NCAM1: variants seen among roughly 807,000 people sequenced by gnomAD.
The protein encoded by NCAM1 is antigen recognized by monoclonal antibody 5.1H11.
In NCAM1, 14 loss-of-function variants were observed where a neutral mutation model predicts 109.8. That is an observed-to-expected ratio of 0.13 (90% CI 0.08 to 0.20). The LOEUF is 0.20. Ranked by LOEUF, NCAM1 falls within the 10% of genes least tolerant of loss-of-function variation. NCAM1 has a pLI of 1.00. For missense variants in NCAM1, 774 were observed against 1,109.9 expected (o/e 0.70, Z 4.30); for synonymous variants, 418 against 442.9 (o/e 0.94, Z 0.70).
At chr11:113,008,710 G>A (rs1416856064) in intron 1 of NCAM1, among the ~76,000 whole-genome samples, 3 of 152,150 alleles carry the variant, frequency 2.0e-5, no homozygotes, top group Admixed American at 1.3e-4. Flanking sequence ...CTCATCTCTC[G>A]ATTTCTGTAG....
At chr11:113,095,224 G>T (rs1328689526) in intron 1 of NCAM1, among the ~76,000 whole-genome samples, 2 of 152,148 alleles carry the variant, frequency 1.3e-5, no homozygotes, top group Non-Finnish European at 2.9e-5. Flanking sequence ...AGGGATTTGT[G>T]CTGTGTCTTT....
At chr11:113,092,920 A>G (rs1427020977) in intron 1 of NCAM1, among the ~76,000 whole-genome samples, 1 of 152,234 alleles carries the variant, frequency 6.6e-6, no homozygotes, top group Non-Finnish European at 1.5e-5. Context: ...AAATACTAGC[A>G]TTAAATGCTG....
At chr11:113,209,910 C>T (rs2136970304) in intron 7 of NCAM1, among the ~76,000 whole-genome samples, 1 of 152,274 alleles carries the variant, frequency 6.6e-6, no homozygotes, top group East Asian at 1.9e-4. Context: ...AATTACCCAG[C>T]TGAAGGAGTG....
chr11:113,219,936 G>A (rs553470566), intron 8 of NCAM1, among the ~76,000 whole-genome samples: 72 of 152,190 alleles, frequency 4.7e-4, no homozygotes, highest in African/African-American at 7.9e-4. Context: ...GACATAACTC[G>A]ATATTTCCAT....
intron 1 of NCAM1, among the ~76,000 whole-genome samples, chr11:113,068,341 A>C (rs928904645): frequency 1.3e-5 from 2 of 152,162 alleles, no homozygotes; most frequent in Non-Finnish European, 2.9e-5. Flanking sequence ...GTGATTAAGC[A>C]TCGGTTTCCT....
rs782323298 is a variant in NCAM1 at position 112,961,565 on chromosome 11, C to T, written c.-48C>T. ...TCCACACTCGCTGCAGGGGGGGGGG[C>T]ACAGAATTTACCGCGGCAAGAACAT... is the stretch of plus-strand genomic sequence containing the variant. On this transcript the variant is annotated 5_prime_UTR_variant, in exon 1 of 20. Transcript: ENST00000316851. 4.3e-6 allele frequency: 5 copies of T among 1,159,654 alleles called. No individual in the cohort carries two copies. Among genetic ancestry groups the T allele is most frequent in the East Asian group, 4.7e-5 (2 of 42,374 alleles). 71.8% of individuals were successfully genotyped at this position (1,159,654 alleles called of 1,614,324 possible). A position where few individuals can be genotyped will look rare whatever the true frequency, so the allele number is the denominator to read the frequency against.
intron 1 of NCAM1, among the ~76,000 whole-genome samples, chr11:113,154,816 A>G (rs1264234531): frequency 1.3e-5 from 2 of 152,172 alleles, no homozygotes; most frequent in Non-Finnish European, 2.9e-5. Flanking sequence ...CCTCTTAAGG[A>G]ATGACACAAA....
intron 1 of NCAM1, among the ~76,000 whole-genome samples, chr11:112,982,362 G>T (rs2134691716): frequency 6.6e-6 from 1 of 152,104 alleles, no homozygotes; most frequent in African/African-American, 2.4e-5. Context: ...TTTGGTGGCA[G>T]TGAGTAAACA....
intron 1 of NCAM1, among the ~76,000 whole-genome samples, chr11:113,135,436 C>T (rs1317487734): frequency 5.9e-5 from 9 of 151,988 alleles, no homozygotes; most frequent in African/African-American, 9.7e-5. Flanking sequence ...ATGGGAAGTG[C>T]GATGTGTTGA....
At chr11:113,267,165 A>T (rs1406986285) in intron 17 of NCAM1, among the ~76,000 whole-genome samples, 2 of 152,200 alleles carry the variant, frequency 1.3e-5, no homozygotes, top group African/African-American at 4.8e-5. Flanking sequence ...TGGTTATAAC[A>T]CCTTTAAATA....
intron 1 of NCAM1, among the ~76,000 whole-genome samples, chr11:113,090,603 G>A (rs564689168): frequency 6.6e-6 from 1 of 152,302 alleles, no homozygotes; most frequent in South Asian, 2.1e-4. Context: ...GGAAAGTCAG[G>A]TCTGCATGTC....
At chr11:113,037,620 T>A (rs1952935511) in intron 1 of NCAM1, among the ~76,000 whole-genome samples, 1 of 152,216 alleles carries the variant, frequency 6.6e-6, no homozygotes, top group Admixed American at 6.5e-5. Context: ...GTTGAGTTCT[T>A]GTCTAATGCA....
intron 1 of NCAM1, among the ~76,000 whole-genome samples, chr11:113,062,727 T>C (rs1335663166): frequency 1.3e-5 from 2 of 152,146 alleles, no homozygotes; most frequent in Non-Finnish European, 1.5e-5. Flanking sequence ...ATCTCAGCAC[T>C]TTGGGAAGCC....
At chr11:113,080,966 T>C (rs1389743039) in intron 1 of NCAM1, among the ~76,000 whole-genome samples, 1 of 152,230 alleles carries the variant, frequency 6.6e-6, no homozygotes, top group Non-Finnish European at 1.5e-5. Context: ...TGTTGCTTAT[T>C]TTCTTTTTAA....
In NCAM1 at chr11:113,271,849, A is replaced by G. The variant is rs377484467; in HGVS notation, c.2429A>G (p.Asn810Ser). The change falls in exon 19 of 20, where the codon AAC becomes AGC. Residue 810 changes from asparagine to serine, a missense_variant. Physicochemically the swap from Asn to Ser is conservative, Grantham distance 46. This residue lies in a region of NCAM1 where 122 missense variants were observed against 129.7 expected (regional missense o/e 0.94). Coordinates refer to ENST00000316851, the MANE Select transcript of NCAM1 (RefSeq NM_181351.5). ...GATGGAGGGAAACACACAGAGCCCA[A>G]CGAGACCACGCCACTGACGGAGCCC... ...NHDGGKHTEPNETTPLTEPEK... is the reference protein window; with the variant it reads ...NHDGGKHTEPSETTPLTEPEK... 6 of 1,571,350 alleles carry G rather than the reference A, an allele frequency of 3.8e-6. No homozygotes were observed. In the Admixed American group the frequency reaches 7.4e-5, roughly 20 times the overall value.
At chr11:113,154,851 C>A (rs1012776447) in intron 1 of NCAM1, among the ~76,000 whole-genome samples, 1 of 152,124 alleles carries the variant, frequency 6.6e-6, no homozygotes, top group African/African-American at 2.4e-5. Context: ...TAGGGGAGAA[C>A]CCCTGAATGA....
chr11:113,000,432 A>G (rs1555072185), intron 1 of NCAM1, among the ~76,000 whole-genome samples: 1 of 152,188 alleles, frequency 6.6e-6, no homozygotes. Context: ...AAGCACAGTG[A>G]ATAGTAGTAG....
At chr11:113,057,356 A>C (rs1399006647) in intron 1 of NCAM1, among the ~76,000 whole-genome samples, 1 of 152,006 alleles carries the variant, frequency 6.6e-6, no homozygotes, top group Non-Finnish European at 1.5e-5. Context: ...CATACTGTAC[A>C]TAAGAGATGG....
intron 1 of NCAM1, among the ~76,000 whole-genome samples, chr11:113,124,353 T>C (rs1338654802): frequency 6.6e-6 from 1 of 152,208 alleles, no homozygotes; most frequent in Non-Finnish European, 1.5e-5. Flanking sequence ...CTCTTTGACC[T>C]TAGCTTTGCT....
Sources: allele counts gnomAD v4.1 joint callset (sites outside exome capture counted in the v4.1 genomes callset), GRCh38; gene constraint gnomAD v4.1.1; regional missense constraint gnomAD v4.1.1; transcripts MANE v1.5; gene names NCBI Gene and HGNC (gene_info 2026-07-23, HGNC 2026-07-21).